ATF2: variants seen among roughly 807,000 people sequenced by gnomAD.
ATF2 encodes activating transcription factor 2.
ATF2 carries 24 observed loss-of-function variants against 60.6 expected under a neutral mutation model. The ratio of observed to expected loss-of-function variants is 0.40; its 90% CI spans 0.29 to 0.56. The LOEUF is 0.56. ATF2 is among the 20% of genes least tolerant of loss of function. ATF2 has a pLI of 0.54. For missense variants in ATF2, 433 were observed against 607.7 expected (o/e 0.71, Z 3.02); for synonymous variants, 206 against 215.4 (o/e 0.96, Z 0.38).
intron 4 of ATF2, among the ~76,000 whole-genome samples, chr2:175,122,107 T>A (rs1243692514): frequency 6.6e-6 from 1 of 151,940 alleles, no homozygotes; most frequent in African/African-American, 2.4e-5. Context: ...AACAGCTCAT[T>A]TTAAAATAAA....
intron 1 of ATF2, 33 bp from the exon 2 acceptor site, chr2:175,151,191 CT>C (rs1393134601): frequency 6.6e-6 from 1 of 152,296 alleles, no homozygotes; most frequent in African/African-American, 2.4e-5. Context: ...AAAGAGTGAA[CT>C]TATTACCATG....
chr2:175,145,436 C>T (rs927695284), intron 2 of ATF2, among the ~76,000 whole-genome samples: 1 of 152,186 alleles, frequency 6.6e-6, no homozygotes, highest in Non-Finnish European at 1.5e-5. Context: ...TATGTGCCTG[C>T]TCCTGCTTTG....
At chr2:175,144,180 T>G (rs934780974) in intron 2 of ATF2, among the ~76,000 whole-genome samples, 1 of 152,222 alleles carries the variant, frequency 6.6e-6, no homozygotes, top group African/African-American at 2.4e-5. Flanking sequence ...GACATGGATT[T>G]CTGATCGGGC....
rs573265790 is a variant in ATF2, at chr2:175,141,058, T to C, written c.-43-4572A>G. On this transcript the variant is annotated intron_variant, in intron 2 of 13. Coordinates refer to ENST00000264110, the MANE Select transcript of ATF2 (RefSeq NM_001880.4). Reference sequence around the variant, plus strand: ...ATATATATATATATATATATGTATATATATATGTGTGTGTATATATATGTA... The same window carrying C: ...ATATATATATATATATATATGTATACATATATGTGTGTGTATATATATGTA... Among the ~76,000 whole-genome samples, 263 of 126,738 alleles carry C rather than the reference T, an allele frequency of 2.1e-3. 1 individual carries two copies. Among genetic ancestry groups the C allele is most frequent in the African/African-American group, 7.2e-3 (241 of 33,250 alleles). 83.1% of individuals were successfully genotyped at this position (126,738 alleles called of 152,430 possible).
chr2:175,115,785 A>C (rs1275826254), intron 7 of ATF2, among the ~76,000 whole-genome samples: 1 of 152,202 alleles, frequency 6.6e-6, no homozygotes, highest in Non-Finnish European at 1.5e-5. Context: ...AGATTGTAGT[A>C]AATGTTAAGT....
At position 175,130,198 on chromosome 2, in the gene ATF2, C is replaced by G. The variant is rs769761585; in HGVS notation, c.42G>C (p.Lys14Asn). Residue 14 changes from lysine to asparagine, a missense_variant, in exon 4 of 14, where the codon AAG becomes AAC. Around this residue, in one of 5 missense-constraint regions of ATF2, gnomAD observed 20 missense variants for 16.9 expected, o/e 1.19. Transcript: ENST00000264110. ...KLHVNSARQY[K>N]DLWNMSDDKP... ...TGTCATCACTCATATTCCACAGGTC[C>G]TTGTATTGCCTATAATCAAACAGAA... is the stretch of plus-strand genomic sequence containing the variant. The G allele has an allele frequency of 4.4e-6, 7 of 1,581,242 alleles. No individual in the cohort carries two copies. The African/African-American group carries it at 6.7e-5, about 15-fold the overall frequency.
At chr2:175,104,959 G>C (rs968989050) in intron 10 of ATF2, among the ~76,000 whole-genome samples, 1 of 152,120 alleles carries the variant, frequency 6.6e-6, no homozygotes, top group Admixed American at 6.5e-5. Flanking sequence ...GATTTTAGTT[G>C]TAAGTGCTGA....
At chr2:175,075,121 GTT>G in intron 13 of ATF2, 2 of 993,336 alleles carry the variant, frequency 2.0e-6, no homozygotes, top group Non-Finnish European at 2.7e-6. Context: ...ATGAGGGAGA[GTT>G]TGGAAGATAG....
At chr2:175,147,127 T>C (rs1250942718) in intron 2 of ATF2, among the ~76,000 whole-genome samples, 1 of 152,182 alleles carries the variant, frequency 6.6e-6, no homozygotes, top group Non-Finnish European at 1.5e-5. Context: ...AAGGGTGATA[T>C]CATATAATCA....
chr2:175,080,806 C>A, intron 12 of ATF2, 41 bp from the exon 13 acceptor site: 1 of 1,485,890 alleles, frequency 6.7e-7, no homozygotes. Flanking sequence ...ACAGACTAAA[C>A]ATATTTTTTA....
At chr2:175,101,916 C>G (rs1388518268) in intron 10 of ATF2, among the ~76,000 whole-genome samples, 1 of 152,038 alleles carries the variant, frequency 6.6e-6, no homozygotes, top group Non-Finnish European at 1.5e-5. Flanking sequence ...TTTTCTAAAA[C>G]TACAACAAAA....
At chr2:175,134,390 T>C (rs891702983) in intron 3 of ATF2, among the ~76,000 whole-genome samples, 1 of 151,114 alleles carries the variant, frequency 6.6e-6, no homozygotes, top group Admixed American at 6.6e-5. Context: ...ACTGTATATC[T>C]AAAAAAAACG....
At chr2:175,085,083 T>C (rs1424602662) in intron 12 of ATF2, among the ~76,000 whole-genome samples, 5 of 152,228 alleles carry the variant, frequency 3.3e-5, no homozygotes, top group African/African-American at 4.8e-5. Context: ...GCATATTATG[T>C]AGTATCACCT....
intron 1 of ATF2, among the ~76,000 whole-genome samples, chr2:175,163,720 C>G (rs995902531): frequency 1.3e-5 from 2 of 150,802 alleles, no homozygotes; most frequent in African/African-American, 4.9e-5. Context: ...GAGGCAGGTT[C>G]GAGACCAGCC....
At chr2:175,163,524 C>CT (rs1177066370) in intron 1 of ATF2, among the ~76,000 whole-genome samples, 1 of 152,068 alleles carries the variant, frequency 6.6e-6, no homozygotes, top group African/African-American at 2.4e-5. Context: ...CTGAGAACCA[C>CT]TATCTTTGTT....
intron 3 of ATF2, among the ~76,000 whole-genome samples, chr2:175,133,302 T>C (rs1043966249): frequency 6.6e-6 from 1 of 152,098 alleles, no homozygotes; most frequent in Non-Finnish European, 1.5e-5. Flanking sequence ...ATGATAAACA[T>C]ACAAAGAAAT....
At chr2:175,142,830 G>A (rs959589945) in intron 2 of ATF2, among the ~76,000 whole-genome samples, 1 of 151,052 alleles carries the variant, frequency 6.6e-6, no homozygotes. Context: ...GCGAGCAAGA[G>A]AGAGAGTGTG....
rs557493316 is a variant in ATF2 at position 175,165,133 on chromosome 2, T to G, written c.-143+2917A>C. On this transcript the variant is annotated intron_variant, in intron 1 of 13. Transcript: ENST00000264110. Reference sequence around the variant, plus strand: ...CTACCACACCTGGCTAAGGTGGGATTTTTTTTAGGGTACATTTTAATTATA... The same window carrying G: ...CTACCACACCTGGCTAAGGTGGGATGTTTTTTAGGGTACATTTTAATTATA... Among the ~76,000 whole-genome samples, 269 of 151,640 alleles carry G rather than the reference T, an allele frequency of 1.8e-3. 2 individuals carry two copies. Among genetic ancestry groups the G allele is most frequent in the African/African-American group, 5.8e-3 (240 of 41,380 alleles).
intron 2 of ATF2, among the ~76,000 whole-genome samples, chr2:175,142,310 A>G (rs1698603208): frequency 6.6e-6 from 1 of 151,186 alleles, no homozygotes; most frequent in South Asian, 2.1e-4. Context: ...CCGGGATTAC[A>G]GGCACGCACC....
Sources: allele counts gnomAD v4.1 joint callset (sites outside exome capture counted in the v4.1 genomes callset), GRCh38; gene constraint gnomAD v4.1.1; regional missense constraint gnomAD v4.1.1; transcripts MANE v1.5; gene names NCBI Gene and HGNC (gene_info 2026-07-23, HGNC 2026-07-21).